The following ASMT variants were observed in gnomAD, a reference collection of about 807,000 sequenced individuals.
The protein encoded by ASMT is acetylserotonin O-methyltransferase.
ASMT carries 53 observed loss-of-function variants against 41.3 expected under a neutral mutation model. The ratio of observed to expected loss-of-function variants is 1.28; its 90% CI spans 1.03 to 1.61. ASMT has a LOEUF of 1.61. Among genes scored for constraint, ASMT ranks in the 40% most tolerant of loss-of-function variants. The pLI is 0.00. For missense variants in ASMT, 531 were observed against 441.3 expected, an observed-to-expected ratio of 1.20 and a Z score of -1.82; for synonymous variants, 231 against 184.8, an observed-to-expected ratio of 1.25 and a Z score of -2.03.
intron 2 of ASMT, 97 bp downstream of exon 2, chrX:1,623,410 C>T: frequency 6.9e-7 from 1 of 1,453,082 alleles, no homozygotes; most frequent in South Asian, 1.2e-5. Flanking sequence ...TCCTGGCTCA[C>T]ACAGTGAAAC....
intron 3 of ASMT, among the ~76,000 whole-genome samples, chrX:1,625,942 G>C (rs1332128856): frequency 2.4e-5 from 3 of 124,920 alleles, no homozygotes; most frequent in Admixed American, 8.6e-5. Flanking sequence ...GCGACAGAGC[G>C]AGACTCCATC....
chrX:1,628,208 C>A (rs1328152187), intron 4 of ASMT, among the ~76,000 whole-genome samples: 2 of 152,156 alleles, frequency 1.3e-5, no homozygotes, highest in Non-Finnish European at 2.9e-5. Context: ...GTAATCCCAG[C>A]TAGTCGGGAG....
At chrX:1,630,289 A>T (rs7341942) in intron 5 of ASMT, among the ~76,000 whole-genome samples, 1 of 105,794 alleles carries the variant, frequency 9.5e-6, no homozygotes, top group African/African-American at 3.7e-5. Context: ...ACCTGCCACC[A>T]CACCAGGCTA....
intron 3 of ASMT, among the ~76,000 whole-genome samples, chrX:1,626,205 C>T (rs1934543561): frequency 1.3e-5 from 2 of 149,530 alleles, no homozygotes; most frequent in South Asian, 2.1e-4. Context: ...GTAAAGAGAA[C>T]ATGTTTGGGG....
rs776612778 is a variant in ASMT at position 1,626,090 on chromosome X, G to T, written c.375-1613G>T. On this transcript the variant is annotated intron_variant, in intron 3 of 8. Coordinates refer to ENST00000381241, the MANE Select transcript of ASMT (RefSeq NM_001171038.2). ...ACTGTTACTGTTTCCTATCTGACTT[G>T]GTTCTCTCCTGGATCAGAAAAAAGG... is the stretch of plus-strand genomic sequence containing the variant. 7.2e-5 allele frequency among the ~76,000 whole-genome samples: 11 copies of T among 152,020 alleles called. No individual in the cohort carries two copies. The South Asian group carries it at 2.1e-3, about 29-fold the overall frequency.
At chrX:1,630,871 T>TTTTA (rs112497831) in intron 5 of ASMT, among the ~76,000 whole-genome samples, 111,484 of 139,796 alleles carry the variant, frequency 0.8, 45,100 homozygotes, top group Non-Finnish European at 0.87. Context: ...GCTGAGCTTG[T>TTTTA]TTTATTTATT....
At chrX:1,617,363 G>C (rs1369525630) in intron 1 of ASMT, among the ~76,000 whole-genome samples, 4 of 149,678 alleles carry the variant, frequency 2.7e-5, no homozygotes, top group Non-Finnish European at 3.0e-5. Context: ...CCATTTACTC[G>C]GGAGGCTGAG....
chrX:1,634,708 A>T (rs1934895799), intron 7 of ASMT, among the ~76,000 whole-genome samples: 1 of 140,346 alleles, frequency 7.1e-6, no homozygotes, highest in African/African-American at 2.7e-5. Context: ...TCTGTCACCC[A>T]GGCTGGAGTG....
rs1188440875 is a variant in ASMT, at chrX:1,642,809, G to C, written c.917G>C (p.Gly306Ala). 7 of 1,613,758 alleles carry C rather than the reference G, an allele frequency of 4.3e-6. No homozygotes were observed. Among genetic ancestry groups the C allele is most frequent in the Non-Finnish European group, 1.7e-6 (2 of 1,179,822 alleles). ...TGTGCCCCTCCCTTTCTAGGTGGTG[G>C]CATTCTGGTAATTGAAAGCCTCCTG... ...RIYHTCKPGG[G>A]ILVIESLLDE... Residue 306 changes from glycine (G) to alanine (A), a missense_variant, in exon 9 of 9, where the codon GGC becomes GCC. Transcript: ENST00000381241.
intron 1 of ASMT, 122 bp from the exon 2 acceptor site, chrX:1,623,017 A>G (rs763148148): frequency 9.1e-6 from 8 of 878,632 alleles, no homozygotes; most frequent in Middle Eastern, 3.5e-4. Flanking sequence ...AAATAAATAA[A>G]TGAATAAGAA....
chrX:1,635,311 C>A (rs1934921220), intron 7 of ASMT, among the ~76,000 whole-genome samples: 3 of 152,024 alleles, frequency 2.0e-5, no homozygotes, highest in Non-Finnish European at 4.4e-5. Context: ...GCACAGAGCT[C>A]ACCAAGATCT....
In ASMT at chrX:1,622,312, C is replaced by T. The variant is rs748563595; in HGVS notation, c.70-827C>T. 2.7e-5 allele frequency among the ~76,000 whole-genome samples: 4 copies of T among 150,930 alleles called. No individual in the cohort carries two copies. In the East Asian group the frequency reaches 8.0e-4, roughly 30 times the overall value. On this transcript the variant is annotated intron_variant, in intron 1 of 8. Coordinates refer to ENST00000381241, the MANE Select transcript of ASMT (RefSeq NM_001171038.2). The stretch of plus-strand genomic sequence containing the variant: ...CGGTCCTCTGTCTCTGTTTTTGAGA[C>T]AGAGTCTTACTCTGTCACCCAGGCT...
intron 1 of ASMT, 53 bp from the exon 2 acceptor site, chrX:1,623,086 T>C: frequency 6.3e-7 from 1 of 1,598,978 alleles, no homozygotes; most frequent in Non-Finnish European, 8.6e-7. Flanking sequence ...TTTCTAAGAC[T>C]GTGGTTCCCA....
At chrX:1,631,455 C>G (rs1288292714) in intron 5 of ASMT, among the ~76,000 whole-genome samples, 2 of 152,120 alleles carry the variant, frequency 1.3e-5, no homozygotes, top group Non-Finnish European at 2.9e-5. Flanking sequence ...TCCACCCACC[C>G]TATCTCCCTC....
At chrX:1,616,463 GT>G (rs1302025332) in intron 1 of ASMT, among the ~76,000 whole-genome samples, 1 of 151,416 alleles carries the variant, frequency 6.6e-6, no homozygotes, top group Non-Finnish European at 1.5e-5. Context: ...CGGAGGGAGT[GT>G]TTAACGGAGA....
At chrX:1,619,311 G>A (rs1184062836) in intron 1 of ASMT, among the ~76,000 whole-genome samples, 36 of 150,870 alleles carry the variant, frequency 2.4e-4, no homozygotes, top group Non-Finnish European at 3.2e-4. Context: ...CGAGAATGGC[G>A]TGAACCCGGG....
rs151143176 is a variant in ASMT, at chrX:1,642,907, G to A, written c.1015G>A (p.Glu339Lys). The A allele has an allele frequency of 5.2e-5, 84 of 1,613,994 alleles. No individual in the cohort carries two copies. The highest frequency in any genetic ancestry group is 2.9e-4 in the African/African-American group (22 of 75,054). Residue 339 changes from glutamate (E) to lysine (K), a missense_variant, in exon 9 of 9, where the codon GAG becomes AAG. By Grantham distance (56) the Glu-to-Lys change is moderately conservative (BLOSUM62 1). Coordinates refer to ENST00000381241, the MANE Select transcript of ASMT (RefSeq NM_001171038.2). The part of the protein sequence containing the change: ...LNMLVQTEGQ[E>K]RTPTHYHMLL... ...CATGCTTGTGCAGACGGAAGGGCAG[G>A]AGAGGACCCCCACCCACTACCACAT...
intron 8 of ASMT, among the ~76,000 whole-genome samples, chrX:1,642,503 G>A (rs1935227328): frequency 6.8e-6 from 1 of 147,428 alleles, no homozygotes; most frequent in East Asian, 2.1e-4. Context: ...TGTGGGCACA[G>A]CCTCTGTGTG....
At chrX:1,617,834 C>T (rs1398669029) in intron 1 of ASMT, among the ~76,000 whole-genome samples, 1 of 152,000 alleles carries the variant, frequency 6.6e-6, no homozygotes, top group Non-Finnish European at 1.5e-5. Context: ...AGGCTGGTCT[C>T]GAACTCCCAA....
Sources: allele counts gnomAD v4.1 joint callset (sites outside exome capture counted in the v4.1 genomes callset), GRCh38; gene constraint gnomAD v4.1.1; transcripts MANE v1.5; gene names NCBI Gene and HGNC (gene_info 2026-07-23, HGNC 2026-07-21).